PSMB1: variants seen among roughly 807,000 people sequenced by gnomAD.
The protein encoded by PSMB1 is proteasome 20S subunit beta 1, also known as proteasome subunit beta type-1.
A neutral mutation model predicts 25.4 loss-of-function variants in PSMB1; 7 were observed. The observed-to-expected ratio is 0.28, with a 90% CI of 0.16 to 0.52. The LOEUF (loss-of-function observed/expected upper bound fraction) is 0.52. Ranked by LOEUF, PSMB1 falls within the 20% of genes least tolerant of loss-of-function variation. The probability of loss-of-function intolerance (pLI) is 0.97; values close to 1 mark genes in which losing one functional copy is unlikely to be tolerated. For missense variants in PSMB1, 284 were observed against 302.2 expected (o/e 0.94, Z 0.45); for synonymous variants, 119 against 115.0 (o/e 1.03, Z -0.22).
At chr6:170,546,957 TAAAGG>T (rs1247807793) in intron 2 of PSMB1, among the ~76,000 whole-genome samples, 1 of 151,886 alleles carries the variant, frequency 6.6e-6, no homozygotes, top group African/African-American at 2.4e-5. Context: ...AGCAATAACA[TAAAGG>T]AAAGATGGGT....
At chr6:170,539,927 T>C (rs1778736674) in intron 4 of PSMB1, among the ~76,000 whole-genome samples, 1 of 152,216 alleles carries the variant, frequency 6.6e-6, no homozygotes, top group Non-Finnish European at 1.5e-5. Flanking sequence ...ACAAAAATCA[T>C]TATGCATATA....
chr6:170,538,714 A>G (rs1404673626), intron 4 of PSMB1, among the ~76,000 whole-genome samples: 8 of 152,198 alleles, frequency 5.3e-5, no homozygotes, highest in African/African-American at 1.9e-4. Flanking sequence ...AAGAAAAAGG[A>G]TTGTGTAAAC....
intron 2 of PSMB1, among the ~76,000 whole-genome samples, chr6:170,547,881 C>CA (rs5881874): frequency 0.1 from 11,475 of 112,842 alleles, 859 homozygotes; most frequent in African/African-American, 0.21. Flanking sequence ...ACGTGTTTCA[C>CA]AAAAAAAAAA....
At chr6:170,540,173 T>C (rs184597666) in intron 4 of PSMB1, among the ~76,000 whole-genome samples, 22 of 152,222 alleles carry the variant, frequency 1.4e-4, no homozygotes, top group Admixed American at 8.5e-4. Flanking sequence ...GAAAGAGCTG[T>C]GGACCTTGCT....
chr6:170,539,198 T>C (rs1258610117), intron 4 of PSMB1, among the ~76,000 whole-genome samples: 2 of 152,186 alleles, frequency 1.3e-5, no homozygotes, highest in African/African-American at 4.8e-5. Context: ...CATTTCAATG[T>C]AAAAAATAAA....
intron 4 of PSMB1, among the ~76,000 whole-genome samples, chr6:170,542,321 C>T (rs1001380802): frequency 6.6e-5 from 10 of 152,004 alleles, no homozygotes; most frequent in South Asian, 2.1e-4. Flanking sequence ...AGAGGCAGGG[C>T]GCTGAAATGA....
intron 2 of PSMB1, among the ~76,000 whole-genome samples, chr6:170,547,046 T>A (rs1373124783): frequency 6.6e-6 from 1 of 152,184 alleles, no homozygotes; most frequent in Admixed American, 6.5e-5. Context: ...TCTATGTTAC[T>A]CAGAAATCCA....
chr6:170,545,366 A>G (rs1481826936), intron 3 of PSMB1, among the ~76,000 whole-genome samples: 2 of 152,206 alleles, frequency 1.3e-5, no homozygotes, highest in Non-Finnish European at 2.9e-5. Flanking sequence ...ATATGCCAAT[A>G]AATGTAAGTC....
intron 4 of PSMB1, among the ~76,000 whole-genome samples, 171 bp from the exon 5 acceptor site, chr6:170,537,511 C>T (rs1778709950): frequency 6.6e-6 from 1 of 152,166 alleles, no homozygotes; most frequent in African/African-American, 2.4e-5. Context: ...GCAGCACACA[C>T]ACTGTTGCAC....
chr6:170,544,701 CTAAA>C (rs973871612), intron 3 of PSMB1, among the ~76,000 whole-genome samples: 1 of 151,874 alleles, frequency 6.6e-6, no homozygotes, highest in Non-Finnish European at 1.5e-5. Flanking sequence ...GACGCTGTCT[CTAAA>C]TAAATAGACA....
rs146808940 is a variant in PSMB1, at chr6:170,544,352, T to C, written c.304-622A>G. On this transcript the variant is annotated intron_variant, in intron 3 of 5. Coordinates refer to ENST00000262193, the MANE Select transcript of PSMB1 (RefSeq NM_002793.4). ...TGATTTTAATACACAGCAGTGGTCG[T>C]GATCCTTAAAACATCTACAGTAGAG... 1.4e-4 allele frequency among the ~76,000 whole-genome samples: 21 copies of C among 152,320 alleles called. 1 individual carries two copies. In the East Asian group the frequency reaches 3.9e-3, roughly 28 times the overall value.
intron 5 of PSMB1, 30 bp downstream of exon 5, chr6:170,537,204 A>T: frequency 2.6e-6 from 4 of 1,534,484 alleles, no homozygotes; most frequent in Non-Finnish European, 3.6e-6. Context: ...AGTTGGACAT[A>T]GTATCATTAC....
rs374736322 is a variant in PSMB1 at position 170,535,209 on chromosome 6, G to A, written c.*11C>T. 4.3e-6 allele frequency: 7 copies of A among 1,612,164 alleles called. No homozygotes were observed. In the African/African-American group the frequency reaches 8.0e-5, roughly 18 times the overall value. On this transcript the variant is annotated 3_prime_UTR_variant, in exon 6 of 6. Transcript: ENST00000262193. ...CCAGGTCTGAACTGATTGGTGATAA[G>A]AGCACACAGATCAGTCCTTCCTTAA...
intron 4 of PSMB1, among the ~76,000 whole-genome samples, chr6:170,540,295 A>T (rs769886049): frequency 3.3e-5 from 5 of 152,166 alleles, no homozygotes; most frequent in Non-Finnish European, 7.3e-5. Flanking sequence ...GACTTAGGGG[A>T]CCAGGCTCTA....
Position 170,535,345 on chromosome 6 carries a change from G to A in PSMB1, c.601C>T (p.Arg201Trp), listed in dbSNP as rs745708703. The A allele has an allele frequency of 7.4e-6, 12 of 1,613,886 alleles. No homozygotes were observed. Among genetic ancestry groups the A allele is most frequent in the East Asian group, 4.5e-5 (2 of 44,878 alleles). Reference sequence around the variant, plus strand: ...GAAATGAAGACATCTTTCACCAGCCGCATGGCTCTGTCCAAGGACAGCGGA... The same window carrying A: ...GAAATGAAGACATCTTTCACCAGCCACATGGCTCTGTCCAAGGACAGCGGA... ...HVPLSLDRAM[R>W]LVKDVFISAA... Residue 201 changes from arginine to tryptophan, a missense_variant, in exon 6 of 6, where the codon CGG (arginine) becomes TGG (tryptophan). Coordinates refer to ENST00000262193, the MANE Select transcript of PSMB1 (RefSeq NM_002793.4).
rs1298430037 is a variant in PSMB1, at chr6:170,537,156, G to A, written c.540+78C>T. On this transcript the variant is annotated intron_variant, in intron 5 of 5. Transcript: ENST00000262193. Reference sequence around the variant, plus strand: ...GGCTCTCCTAAGCTAATGAAGAGGAGAACTTGGAGGAAGGCACTTCAACTG... The same window carrying A: ...GGCTCTCCTAAGCTAATGAAGAGGAAAACTTGGAGGAAGGCACTTCAACTG... The A allele has an allele frequency of 5.4e-6, 6 of 1,100,988 alleles. No individual in the cohort carries two copies. In the East Asian group the frequency reaches 1.2e-4, roughly 22 times the overall value. The allele number at this position is 1,100,988 out of a possible 1,614,324, so 68.2% of individuals were successfully genotyped here.
At chr6:170,541,918 A>G (rs909153460) in intron 4 of PSMB1, among the ~76,000 whole-genome samples, 4 of 152,188 alleles carry the variant, frequency 2.6e-5, no homozygotes, top group African/African-American at 7.2e-5. Context: ...CTGAAATTCA[A>G]TGGCAGCTCA....
chr6:170,544,714 CAGAT>C (rs748639030), intron 3 of PSMB1, among the ~76,000 whole-genome samples: 7 of 152,106 alleles, frequency 4.6e-5, no homozygotes, highest in Non-Finnish European at 7.4e-5. Context: ...AATAAATAGA[CAGAT>C]AGATATCTAA....
At chr6:170,538,107 G>T (rs1778716645) in intron 4 of PSMB1, among the ~76,000 whole-genome samples, 1 of 152,208 alleles carries the variant, frequency 6.6e-6, no homozygotes, top group Non-Finnish European at 1.5e-5. Context: ...TCATCTTTGA[G>T]CTCTGAATTA....
Sources: allele counts gnomAD v4.1 joint callset (sites outside exome capture counted in the v4.1 genomes callset), GRCh38; gene constraint gnomAD v4.1.1; transcripts MANE v1.5; gene names NCBI Gene and HGNC (gene_info 2026-07-23, HGNC 2026-07-21).